The following RILPL2 variants were observed in gnomAD, a reference collection of about 807,000 sequenced individuals.
RILPL2 encodes Rab interacting lysosomal protein like 2, also known as RILP-like protein 2.
In RILPL2, 19 loss-of-function variants were observed where a neutral mutation model predicts 22.2. That is an observed-to-expected ratio of 0.86 (90% CI 0.60 to 1.25). RILPL2 has a LOEUF of 1.25. RILPL2 is among the 50% of genes most tolerant of loss of function. RILPL2 has a pLI of 0.00. For synonymous variants in RILPL2, 123 were observed against 111.6 expected, an observed-to-expected ratio of 1.10 and a Z score of -0.64; for missense variants, 243 against 263.6, an observed-to-expected ratio of 0.92 and a Z score of 0.54.
chr12:123,417,568 T>C (rs1346005875), intron 3 of RILPL2, among the ~76,000 whole-genome samples: 1 of 151,966 alleles, frequency 6.6e-6, no homozygotes, highest in Non-Finnish European at 1.5e-5. Context: ...CCAGTCACCA[T>C]GGTCTTCTGT....
intron 2 of RILPL2, among the ~76,000 whole-genome samples, chr12:123,424,536 G>A (rs1402675551): frequency 2.6e-5 from 4 of 152,050 alleles, no homozygotes; most frequent in Admixed American, 2.0e-4. Context: ...TCTCCATGTT[G>A]GTCAGGCTGG....
At chr12:123,428,516 G>C (rs570151878) in intron 2 of RILPL2, among the ~76,000 whole-genome samples, 15 of 152,182 alleles carry the variant, frequency 9.9e-5, no homozygotes, top group Non-Finnish European at 2.1e-4. Context: ...ATAAATGTGG[G>C]TTCTTACAAC....
At chr12:123,434,154 C>T (rs943908296) in intron 1 of RILPL2, among the ~76,000 whole-genome samples, 1 of 152,072 alleles carries the variant, frequency 6.6e-6, no homozygotes, top group African/African-American at 2.4e-5. Context: ...CATGGTGGCT[C>T]AGGCCTGTAA....
At chr12:123,423,203 G>GT (rs71085902) in intron 2 of RILPL2, 46 bp from the exon 3 acceptor site, 215,949 of 812,804 alleles carry the variant, frequency 0.27, 4,319 homozygotes, top group South Asian at 0.3. Flanking sequence ...ATTACAGATC[G>GT]TTTTTTTTTT....
chr12:123,418,496 G>C (rs1389804178), intron 3 of RILPL2, among the ~76,000 whole-genome samples: 1 of 152,066 alleles, frequency 6.6e-6, no homozygotes. Flanking sequence ...CCCTCTACTA[G>C]AATGTAAGGT....
chr12:123,434,080 G>A (rs1002424073), intron 1 of RILPL2, among the ~76,000 whole-genome samples: 3 of 152,036 alleles, frequency 2.0e-5, no homozygotes, highest in Non-Finnish European at 2.9e-5. Context: ...AACTGTGGCT[G>A]GAGACCTGCT....
At chr12:123,434,907 G>T (rs916812026) in intron 1 of RILPL2, among the ~76,000 whole-genome samples, 2 of 150,546 alleles carry the variant, frequency 1.3e-5, no homozygotes, top group African/African-American at 4.9e-5. Flanking sequence ...GGGTGCTGTG[G>T]CTCAGGCCTG....
rs1046158320 is a variant in RILPL2 at position 123,415,936 on chromosome 12, G to C, written c.606-15C>G. On this transcript the variant is annotated splice_polypyrimidine_tract_variant and intron_variant, in intron 3 of 3. Transcript: ENST00000280571. ...GAAAAAAGAACCTGGTGTGGAGAGA[G>C]AGAGGGTTCAGGGTAAGCAGAAGGA... The C allele has an allele frequency of 5.6e-6, 9 of 1,613,984 alleles. No individual in the cohort carries two copies. The highest frequency in any genetic ancestry group is 4.0e-5 in the African/African-American group (3 of 74,922).
At chr12:123,428,192 A>G (rs542805644) in intron 2 of RILPL2, among the ~76,000 whole-genome samples, 9 of 152,244 alleles carry the variant, frequency 5.9e-5, no homozygotes, top group African/African-American at 1.7e-4. Flanking sequence ...GCTGGAGTGC[A>G]GTGGCGAGAT....
Position 123,436,276 on chromosome 12 carries a change from C to T in RILPL2, c.145G>A (p.Gly49Ser), listed in dbSNP as rs1174300722. Residue 49 changes from glycine to serine, a missense_variant, in exon 1 of 4, where the codon GGC becomes AGC. Transcript: ENST00000280571. This position sits in a 1 kb window ranked among gnomAD's most constrained non-coding sequence, Gnocchi z 6.7. ...EDVYDISYLLGRELMALGSDP... is the reference protein window; with the variant it reads ...EDVYDISYLLSRELMALGSDP... ...CTGCCCAGGGCCATAAGCTCGCGGC[C>T]CAACAGGTAGGAGATGTCATACACG... The T allele has an allele frequency of 6.2e-7, 1 of 1,607,972 alleles. No individual in the cohort carries two copies. The highest frequency in any genetic ancestry group is 8.5e-7 in the Non-Finnish European group (1 of 1,177,480).
At chr12:123,421,321 G>A (rs945769425) in intron 3 of RILPL2, among the ~76,000 whole-genome samples, 7 of 152,144 alleles carry the variant, frequency 4.6e-5, no homozygotes, top group African/African-American at 1.4e-4. Context: ...ACAGGTGTAA[G>A]CCACTGCATC....
At chr12:123,431,716 C>T (rs946239389) in intron 1 of RILPL2, among the ~76,000 whole-genome samples, 2 of 150,728 alleles carry the variant, frequency 1.3e-5, no homozygotes, top group Admixed American at 1.3e-4. Flanking sequence ...GTCCCAGCTA[C>T]TCAGGAGGCT....
At chr12:123,419,346 T>C (rs1268264412) in intron 3 of RILPL2, among the ~76,000 whole-genome samples, 1 of 152,234 alleles carries the variant, frequency 6.6e-6, no homozygotes, top group East Asian at 1.9e-4. Flanking sequence ...TCTGAGAATC[T>C]GAATTTTACA....
chr12:123,425,409 C>T (rs1037418774), intron 2 of RILPL2, among the ~76,000 whole-genome samples: 7 of 151,836 alleles, frequency 4.6e-5, no homozygotes, highest in African/African-American at 1.5e-4. Context: ...GAACTCCTGA[C>T]GTCAAGTGAT....
In RILPL2 at chr12:123,415,840, G is replaced by A. The variant is rs1879101457; in HGVS notation, c.*51C>T. The A allele has an allele frequency of 4.4e-6, 7 of 1,592,960 alleles. No homozygotes were observed. Among genetic ancestry groups the A allele is most frequent in the African/African-American group, 1.3e-5 (1 of 74,524 alleles). ...GGGAGGTGGTTTTGCCAGGCATCTT[G>A]GAAGGTTGTCTTCTAGAATCAGAGC... On this transcript the variant is annotated 3_prime_UTR_variant, in exon 4 of 4. Transcript: ENST00000280571.
chr12:123,432,396 T>TA (rs1280841047), intron 1 of RILPL2, among the ~76,000 whole-genome samples: 2 of 152,028 alleles, frequency 1.3e-5, no homozygotes, highest in African/African-American at 2.4e-5. Flanking sequence ...TCTCAGCTAC[T>TA]AGGGAGGCTG....
intron 2 of RILPL2, among the ~76,000 whole-genome samples, 182 bp downstream of exon 2, chr12:123,430,326 G>C (rs975196707): frequency 2.0e-5 from 3 of 151,020 alleles, no homozygotes; most frequent in Non-Finnish European, 3.0e-5. Flanking sequence ...GGAGAATGGC[G>C]TGAACCCGGG....
intron 3 of RILPL2, among the ~76,000 whole-genome samples, chr12:123,421,250 G>A (rs574057627): frequency 6.6e-5 from 10 of 152,052 alleles, no homozygotes; most frequent in African/African-American, 2.2e-4. Flanking sequence ...CACCATGTTG[G>A]CCAGGCTGGT....
chr12:123,429,257 T>A (rs1593493544), intron 2 of RILPL2, among the ~76,000 whole-genome samples: 1 of 152,202 alleles, frequency 6.6e-6, no homozygotes, highest in African/African-American at 2.4e-5. Context: ...CCCTAAGTGC[T>A]GGGATGTAAC....
Sources: gnomAD v4.1 joint callset for allele counts (sites outside exome capture counted in the v4.1 genomes callset) on GRCh38, gnomAD v4.1.1 for gene constraint, Gnocchi (gnomAD v3.1) non-coding constraint, MANE v1.5 for transcripts, NCBI Gene and HGNC (gene_info 2026-07-23, HGNC 2026-07-21) for gene names.